Variants in PDE3A observed in about 807,000 individuals in gnomAD.
PDE3A encodes phosphodiesterase 3A.
A neutral mutation model predicts 98.3 loss-of-function variants in PDE3A; 43 were observed. The ratio of observed to expected loss-of-function variants is 0.44; its 90% CI spans 0.34 to 0.56. The LOEUF is 0.56. Among genes scored for constraint, PDE3A ranks in the 20% least tolerant of loss-of-function variants. The pLI is 0.01. For missense variants in PDE3A, 1,427 were observed against 1,440.7 expected, an observed-to-expected ratio of 0.99 and a Z score of 0.15; for synonymous variants, 663 against 567.9, an observed-to-expected ratio of 1.17 and a Z score of -2.38.
At chr12:20,544,053 C>A (rs888657074) in intron 1 of PDE3A, among the ~76,000 whole-genome samples, 1 of 151,652 alleles carries the variant, frequency 6.6e-6, no homozygotes, top group African/African-American at 2.4e-5. Context: ...TAACATATAG[C>A]CTACACTTTT....
chr12:20,648,910 A>G lies in PDE3A; in HGVS notation c.2769+19A>G. 7.8e-7 allele frequency: 1 copy of G among 1,288,308 alleles called. No homozygotes were observed. Among genetic ancestry groups the G allele is most frequent in the Non-Finnish European group, 1.1e-6 (1 of 920,600 alleles). The allele number at this position is 1,288,308 out of a possible 1,614,324, so 79.8% of individuals were successfully genotyped here. On this transcript the variant is annotated intron_variant, in intron 13 of 15. Transcript: ENST00000359062. The stretch of plus-strand genomic sequence containing the variant: ...TGGCAAGGTAAATAGAGCTGTACCC[A>G]GTTTTCTTTTCTTTTTCTTTTTTTT...
intron 4 of PDE3A, among the ~76,000 whole-genome samples, chr12:20,618,000 A>C (rs11045330): frequency 0.37 from 55,467 of 151,940 alleles, 10,458 homozygotes; most frequent in African/African-American, 0.46. Flanking sequence ...TTACAATAGA[A>C]ATAAGGAATA....
At position 20,369,197 on chromosome 12, in the gene PDE3A, GT is replaced by G; in HGVS notation, c.-87del. 2 of 817,234 alleles carry G rather than the reference GT, an allele frequency of 2.4e-6. No individual in the cohort carries two copies. Among genetic ancestry groups the G allele is most frequent in the Non-Finnish European group, 3.8e-6 (2 of 533,056 alleles). 50.6% of individuals were successfully genotyped at this position (817,234 alleles called of 1,614,324 possible). On this transcript the variant is annotated 5_prime_UTR_variant, in exon 1 of 16. Transcript: ENST00000359062. ...TTGGGAAGAGCGTGCGTGCGTGTGT[GT>G]GTGTGTGTGTGTGCGCGCGCGCGCG...
In PDE3A at chr12:20,680,494, AT is replaced by A; in HGVS notation, c.*229del. The A allele has an allele frequency of 3.8e-6, 2 of 523,248 alleles. No homozygotes were observed. Among genetic ancestry groups the A allele is most frequent in the South Asian group, 4.8e-5 (2 of 41,384 alleles). 32.4% of individuals were successfully genotyped at this position (523,248 alleles called of 1,614,324 possible). ...CACATTGCAACACCAGCTTCTAAGG[AT>A]TTTTTAAGGAGGGAATATATATGTG... On this transcript the variant is annotated 3_prime_UTR_variant, in exon 16 of 16. Transcript: ENST00000359062.
chr12:20,404,940 C>A (rs926341411), intron 1 of PDE3A, among the ~76,000 whole-genome samples: 6 of 147,640 alleles, frequency 4.1e-5, no homozygotes, highest in African/African-American at 1.0e-4. Context: ...TTCCCTACTG[C>A]TTGCCGACTC....
chr12:20,571,811 A>G (rs1290453739), intron 2 of PDE3A: 1 of 557,622 alleles, frequency 1.8e-6, no homozygotes, highest in Non-Finnish European at 2.3e-6. Context: ...AACTTAGAAC[A>G]CTATGCAAAA....
At chr12:20,450,211 A>G in intron 1 of PDE3A, 1 of 277,236 alleles carries the variant, frequency 3.6e-6, no homozygotes, top group South Asian at 5.7e-5. Flanking sequence ...CAATAATTAT[A>G]TATTGAGTGC....
chr12:20,518,798 C>T (rs943167642), intron 1 of PDE3A, among the ~76,000 whole-genome samples: 6 of 152,048 alleles, frequency 3.9e-5, no homozygotes, highest in African/African-American at 7.2e-5. Context: ...TTATTTAATT[C>T]TCCAGACGCA....
intron 1 of PDE3A, among the ~76,000 whole-genome samples, chr12:20,529,772 G>T (rs1453599671): frequency 5.3e-5 from 8 of 152,024 alleles, no homozygotes; most frequent in Non-Finnish European, 1.2e-4. Flanking sequence ...AATTACTGTT[G>T]TTCTAAACCA....
chr12:20,652,792 A>T (rs984388655), intron 14 of PDE3A, among the ~76,000 whole-genome samples: 3 of 152,220 alleles, frequency 2.0e-5, no homozygotes, highest in Non-Finnish European at 2.9e-5. Flanking sequence ...TAAAACACCA[A>T]AAGCAATGGC....
chr12:20,596,701 A>C (rs1402849785), intron 2 of PDE3A, among the ~76,000 whole-genome samples: 1 of 152,178 alleles, frequency 6.6e-6, no homozygotes, highest in Non-Finnish European at 1.5e-5. Flanking sequence ...GAAAAATATT[A>C]ATAGTGGGAC....
At chr12:20,664,738 G>A (rs117222163) in intron 15 of PDE3A, among the ~76,000 whole-genome samples, 3 of 151,522 alleles carry the variant, frequency 2.0e-5, no homozygotes, top group Non-Finnish European at 2.9e-5. Context: ...TGCCATGTTT[G>A]TGAGACCTCC....
rs369161205 is a variant in PDE3A, at chr12:20,514,401, A to T, written c.961-42259A>T. ...GTCATTGATCTCAAATCCATGCATC[A>T]CATGTGTAAATTATATTATTTGTGT... On this transcript the variant is annotated intron_variant, in intron 1 of 15. Coordinates refer to ENST00000359062, the MANE Select transcript of PDE3A (RefSeq NM_000921.5). 2.4e-4 allele frequency among the ~76,000 whole-genome samples: 37 copies of T among 152,338 alleles called. 2 individuals are homozygous for T. In the East Asian group the frequency reaches 6.7e-3, roughly 28 times the overall value.
At chr12:20,454,067 A>G (rs930627205) in intron 1 of PDE3A, among the ~76,000 whole-genome samples, 1 of 151,882 alleles carries the variant, frequency 6.6e-6, no homozygotes, top group Non-Finnish European at 1.5e-5. Context: ...GACAGCAAAC[A>G]CATGGAAGGG....
At chr12:20,490,354 T>C (rs1479895743) in intron 1 of PDE3A, among the ~76,000 whole-genome samples, 1 of 152,218 alleles carries the variant, frequency 6.6e-6, no homozygotes, top group Admixed American at 6.5e-5. Context: ...GACACATACA[T>C]TCCAAAGTGT....
intron 1 of PDE3A, among the ~76,000 whole-genome samples, chr12:20,459,366 A>G (rs1447115742): frequency 6.6e-6 from 1 of 152,168 alleles, no homozygotes; most frequent in Non-Finnish European, 1.5e-5. Flanking sequence ...CTCCTACTAT[A>G]CCTTGTTACA....
chr12:20,421,003 T>A (rs1447388162), intron 1 of PDE3A, among the ~76,000 whole-genome samples: 1 of 152,170 alleles, frequency 6.6e-6, no homozygotes, highest in South Asian at 2.1e-4. Flanking sequence ...AGTCTTTTTC[T>A]TTTTTTCTGA....
chr12:20,445,588 G>A (rs1472362088), intron 1 of PDE3A, among the ~76,000 whole-genome samples: 1 of 152,140 alleles, frequency 6.6e-6, no homozygotes, highest in African/African-American at 2.4e-5. Context: ...ATACAGTCAT[G>A]GGAAATATCA....
At chr12:20,383,294 GT>G (rs1654145590) in intron 1 of PDE3A, among the ~76,000 whole-genome samples, 1 of 151,792 alleles carries the variant, frequency 6.6e-6, no homozygotes, top group African/African-American at 2.4e-5. Context: ...AAAAATTTTA[GT>G]TTCATTTTTC....
Sources: allele counts gnomAD v4.1 joint callset (sites outside exome capture counted in the v4.1 genomes callset), GRCh38; gene constraint gnomAD v4.1.1; transcripts MANE v1.5; gene names NCBI Gene and HGNC (gene_info 2026-07-23, HGNC 2026-07-21).